Variants in PPP2R3B observed in about 807,000 individuals in gnomAD.
PPP2R3B encodes the protein protein phosphatase 2 regulatory subunit B''beta.
In PPP2R3B, 68 loss-of-function variants were observed where a neutral mutation model predicts 72.9. That is an observed-to-expected ratio of 0.93 (90% confidence interval 0.77 to 1.14). The LOEUF (loss-of-function observed/expected upper bound fraction) is 1.14. Ranked by LOEUF, PPP2R3B falls within the 50% of genes most tolerant of loss-of-function variation. The pLI is 0.00. For synonymous variants in PPP2R3B, 466 were observed against 375.8 expected, an observed-to-expected ratio of 1.24 and a Z score of -2.78; for missense variants, 1,018 against 842.0, an observed-to-expected ratio of 1.21 and a Z score of -2.59.
chrX:367,081 A>G (rs2071734669), intron 1 of PPP2R3B, among the ~76,000 whole-genome samples: 1 of 151,430 alleles, frequency 6.6e-6, no homozygotes, highest in South Asian at 2.1e-4. Flanking sequence ...AAATTTACAG[A>G]GCATGCACCC....
In PPP2R3B at chrX:338,760, C is replaced by T. The variant is rs775134769; in HGVS notation, c.1470+18G>A. 67 of 1,611,836 alleles carry T rather than the reference C, an allele frequency of 4.2e-5. No homozygotes were observed. Among genetic ancestry groups the T allele is most frequent in the African/African-American group, 3.5e-4 (26 of 74,904 alleles). On this transcript the variant is annotated intron_variant, in intron 11 of 12. Transcript: ENST00000390665. Reference sequence around the variant, plus strand: ...ACACGGCGTGGCGCGGCCCGGCCCGCGTGCCCGCCGCACTCACCCTGAGCA... The same window carrying T: ...ACACGGCGTGGCGCGGCCCGGCCCGTGTGCCCGCCGCACTCACCCTGAGCA...
intron 1 of PPP2R3B, among the ~76,000 whole-genome samples, chrX:366,931 G>T (rs1403757248): frequency 6.6e-6 from 1 of 151,752 alleles, no homozygotes; most frequent in African/African-American, 2.4e-5. Flanking sequence ...GAGAGGCTGA[G>T]GCAGGAGAAT....
Position 364,576 on chromosome X carries a change from GGTGTGGTGGAGGGT to G in PPP2R3B, c.325-3000_325-2987del, listed in dbSNP as rs2071652489. The stretch of plus-strand genomic sequence containing the variant: ...AAAAGAGTATAAAAAAAATTAGCCG[GGTGTGGTGGAGGGT>G]GCCTGTACTCCCAGCTACTCGGGAG... On this transcript the variant is annotated intron_variant, in intron 1 of 12. Coordinates refer to ENST00000390665, the MANE Select transcript of PPP2R3B (RefSeq NM_013239.5). 3.3e-5 allele frequency among the ~76,000 whole-genome samples: 5 copies of G among 149,818 alleles called. 2 individuals are homozygous for G. Among genetic ancestry groups the G allele is most frequent in the Admixed American group, 2.0e-4 (3 of 15,096 alleles).
intron 1 of PPP2R3B, among the ~76,000 whole-genome samples, chrX:370,164 C>T (rs766402161): frequency 3.9e-4 from 60 of 152,294 alleles, no homozygotes; most frequent in African/African-American, 1.3e-3. Context: ...GAGCCGAACA[C>T]GGAGATGAGA....
chrX:373,713 A>G (rs2071922551), intron 1 of PPP2R3B: 1 of 148,078 alleles, frequency 6.8e-6, no homozygotes, highest in Non-Finnish European at 1.5e-5. Context: ...CTCTCGGGGC[A>G]GGGCCGGGCC....
At chrX:341,079 T>G in intron 9 of PPP2R3B, 139 bp from the exon 10 acceptor site, 2 of 1,147,664 alleles carry the variant, frequency 1.7e-6, no homozygotes, top group Non-Finnish European at 2.4e-6. Context: ...AGGCATCCCC[T>G]GCCCCCTGCC....
At chrX:345,257 A>G in intron 7 of PPP2R3B, 2 of 683,448 alleles carry the variant, frequency 2.9e-6, no homozygotes, top group Non-Finnish European at 5.3e-6. Context: ...CAGGAGCTTC[A>G]GGACCAGCGG....
chrX:381,593 C>CTTTTTTT (rs950950107), intron 1 of PPP2R3B, among the ~76,000 whole-genome samples: 69 of 95,064 alleles, frequency 7.3e-4, no homozygotes, highest in African/African-American at 2.7e-3. Flanking sequence ...ACAAGCTCAT[C>CTTTTTTT]TTTTTTTTTT....
At chrX:361,281 CCCT>C (rs1189039152) in intron 2 of PPP2R3B, 121 bp downstream of exon 2, 9 of 1,115,878 alleles carry the variant, frequency 8.1e-6, no homozygotes, top group South Asian at 1.5e-5. Flanking sequence ...GTGAAACGCA[CCCT>C]CCTCGGCCGT....
At chrX:341,974 G>C (rs746901575) in intron 7 of PPP2R3B, 43 bp from the exon 8 acceptor site, 15 of 1,608,722 alleles carry the variant, frequency 9.3e-6, no homozygotes, top group South Asian at 8.8e-5. Context: ...ACCGTGCCTC[G>C]GCCCCGACGT....
intron 1 of PPP2R3B, among the ~76,000 whole-genome samples, chrX:374,955 T>C (rs2071957258): frequency 6.6e-6 from 1 of 152,114 alleles, no homozygotes; most frequent in Non-Finnish European, 1.5e-5. Context: ...TCGTTTTCCT[T>C]TTTCCGAGTG....
At chrX:370,905 C>T (rs2071846603) in intron 1 of PPP2R3B, among the ~76,000 whole-genome samples, 1 of 152,190 alleles carries the variant, frequency 6.6e-6, no homozygotes, top group Admixed American at 6.5e-5. Flanking sequence ...ATGCGTGGTG[C>T]CGTGTAGGGT....
intron 1 of PPP2R3B, among the ~76,000 whole-genome samples, chrX:383,851 A>AAAC (rs2072181868): frequency 8.5e-6 from 1 of 117,616 alleles, no homozygotes; most frequent in Non-Finnish European, 1.8e-5. Flanking sequence ...AAAAAAAAAA[A>AAAC]AAAAAAAAAA....
In PPP2R3B at chrX:341,318, T is replaced by A; in HGVS notation, c.1164A>T (p.Lys388Asn). The change falls in exon 9 of 13, where the codon AAA becomes AAT. Residue 388 changes from lysine (K) to asparagine (N), a missense_variant. Transcript: ENST00000390665. ...VWFLISEEDKKTPTSIEYWFR... is the reference protein window; with the variant it reads ...VWFLISEEDKNTPTSIEYWFR... ...CAGCAGGAACCCACCTGGTCGGTGT[T>A]TTTTTGTCTTCCTCAGAGATCAAAA... 1 of 1,612,632 alleles carries A rather than the reference T, an allele frequency of 6.2e-7. No homozygotes were observed. Among genetic ancestry groups the A allele is most frequent in the Non-Finnish European group, 8.5e-7 (1 of 1,179,744 alleles).
intron 1 of PPP2R3B, among the ~76,000 whole-genome samples, chrX:372,915 G>A (rs921400459): frequency 4.6e-5 from 7 of 152,180 alleles, no homozygotes; most frequent in Non-Finnish European, 1.0e-4. Context: ...GAAACAGAGA[G>A]GCTTCGTCTC....
At position 386,822 on chromosome X, in the gene PPP2R3B, C is replaced by T. The variant is rs2072268733; in HGVS notation, c.-131G>A. The stretch of plus-strand genomic sequence containing the variant: ...AGGGGGCGCGGCGCAGGGAACAGGG[C>T]CCGCGCCTCGGGAACTGCGCGGACT... On this transcript the variant is annotated 5_prime_UTR_variant, in exon 1 of 13. Transcript: ENST00000390665. The T allele has an allele frequency of 2.1e-5, 9 of 426,958 alleles. No homozygotes were observed. Among genetic ancestry groups the T allele is most frequent in the Non-Finnish European group, 3.1e-5 (9 of 292,566 alleles). The allele number at this position is 426,958 out of a possible 1,614,324, so 26.4% of individuals were successfully genotyped here. A position where few individuals can be genotyped will look rare whatever the true frequency, so the allele number is the denominator to read the frequency against.
intron 12 of PPP2R3B, chrX:336,440 C>G (rs1452155472): frequency 1.3e-5 from 2 of 152,044 alleles, no homozygotes; most frequent in African/African-American, 4.8e-5. Context: ...AGACGTCCCC[C>G]AGGACTGGGA....
At chrX:385,137 C>T (rs895456767) in intron 1 of PPP2R3B, among the ~76,000 whole-genome samples, 3 of 151,842 alleles carry the variant, frequency 2.0e-5, no homozygotes, top group African/African-American at 7.3e-5. Flanking sequence ...GTTAAGTCTC[C>T]GCTCCAAGGT....
chrX:341,516 C>T lies in PPP2R3B; in HGVS notation c.1086-120G>A, dbSNP rs1220328360. ...CCCCCGGGCCCGGCCCTCCTCCTGC[C>T]CCCCTCCTGCCCCTCCTCCTGCCTC... On this transcript the variant is annotated intron_variant, in intron 8 of 12. Coordinates refer to ENST00000390665, the MANE Select transcript of PPP2R3B (RefSeq NM_013239.5). The T allele has an allele frequency of 1.5e-5, 15 of 991,086 alleles. No homozygotes were observed. In the East Asian group the frequency reaches 3.5e-4, roughly 23 times the overall value. 61.4% of individuals were successfully genotyped at this position (991,086 alleles called of 1,614,324 possible).
Sources: allele counts gnomAD v4.1 joint callset (sites outside exome capture counted in the v4.1 genomes callset), GRCh38; gene constraint gnomAD v4.1.1; transcripts MANE v1.5; gene names NCBI Gene and HGNC (gene_info 2026-07-23, HGNC 2026-07-21).